The following ZFP64 variants were observed in gnomAD, a reference collection of about 807,000 sequenced individuals.
ZFP64 encodes zinc finger protein 64.
ZFP64 carries 14 observed loss-of-function variants against 51.6 expected under a neutral mutation model. That is an observed-to-expected ratio of 0.27 (90% CI 0.18 to 0.42). ZFP64 has a LOEUF of 0.42. Ranked by LOEUF, ZFP64 falls within the 10% of genes least tolerant of loss-of-function variation. The probability of loss-of-function intolerance (pLI) is 1.00; values close to 1 mark genes in which losing one functional copy is unlikely to be tolerated. For missense variants in ZFP64, 754 were observed against 906.8 expected, an observed-to-expected ratio of 0.83 and a Z score of 2.16; for synonymous variants, 375 against 361.4, an observed-to-expected ratio of 1.04 and a Z score of -0.43.
chr20:52,148,654 T>A (rs1980638649), downstream of ZFP64, among the ~76,000 whole-genome samples: 2 of 148,992 alleles, frequency 1.3e-5, no homozygotes, highest in Non-Finnish European at 2.9e-5. Flanking sequence ...TGAGCTGAGA[T>A]CGCGCCACGG....
chr20:52,175,137 T>G (rs887592401), intron 2 of ZFP64, among the ~76,000 whole-genome samples: 1 of 152,234 alleles, frequency 6.6e-6, no homozygotes, highest in Admixed American at 6.5e-5. Flanking sequence ...TTTGTTTTGT[T>G]TTTGAGACAG....
At chr20:52,095,343 C>A (rs573109824) in intron 7 of ZFP64, among the ~76,000 whole-genome samples, 2 of 152,196 alleles carry the variant, frequency 1.3e-5, no homozygotes, top group Non-Finnish European at 2.9e-5. Flanking sequence ...CTAATGAGAG[C>A]TGCACCCTTG....
Position 52,152,234 on chromosome 20 carries a change from T to C in ZFP64, c.1958A>G (p.Gln653Arg), listed in dbSNP as rs1980870951. ...GTAGGTCTGCTTGGGTAGTTCTTGC[T>C]GGGAAGAGGAGGAGAAGACCGGTGG... ...TAPPVFSSSS[Q>R]QELPKQTYSI... The change falls in exon 6 of 6, where the codon CAG becomes CGG. Residue 653 changes from glutamine to arginine, a missense_variant. This residue lies in a region of ZFP64 where 428 missense variants were observed against 472.4 expected (regional missense o/e 0.91). Coordinates refer to ENST00000216923, the MANE Select transcript of ZFP64 (RefSeq NM_018197.3). The C allele has an allele frequency of 1.9e-6, 3 of 1,614,032 alleles. No individual in the cohort carries two copies. Among genetic ancestry groups the C allele is most frequent in the African/African-American group, 2.7e-5 (2 of 74,910 alleles).
chr20:52,089,071 A>G (rs1410106538), intron 7 of ZFP64: 2 of 518,642 alleles, frequency 3.9e-6, no homozygotes, highest in Non-Finnish European at 7.7e-6. Context: ...AAGGGTGCTG[A>G]GGTCAGAAAA....
chr20:52,116,114 A>G (rs553412367), intron 5 of ZFP64, among the ~76,000 whole-genome samples: 4 of 148,870 alleles, frequency 2.7e-5, no homozygotes, highest in Admixed American at 2.7e-4. Context: ...GATTATAGGC[A>G]TGAGCCACAG....
At chr20:52,168,424 C>T (rs1327371006) in intron 2 of ZFP64, among the ~76,000 whole-genome samples, 1 of 152,176 alleles carries the variant, frequency 6.6e-6, no homozygotes, top group African/African-American at 2.4e-5. Flanking sequence ...GCATGGTCCC[C>T]AGACAGCAGC....
chr20:52,102,388 C>T lies in ZFP64; in HGVS notation c.764-3801G>A, dbSNP rs976261692. Among the ~76,000 whole-genome samples the T allele has an allele frequency of 3.3e-5, 5 of 152,008 alleles. No individual in the cohort carries two copies. The South Asian group carries it at 6.2e-4, about 19-fold the overall frequency. ...CTTCTAACAAGTTCCCAGTTGATGC[C>T]GATGCTGGTCTGGGAACCATACTTT... On this transcript the variant is annotated intron_variant, in intron 5 of 8. Coordinates refer to the ZFP64 transcript ENST00000361387.
intron 2 of ZFP64, among the ~76,000 whole-genome samples, chr20:52,175,427 A>G (rs1047465946): frequency 6.6e-6 from 1 of 152,146 alleles, no homozygotes; most frequent in Non-Finnish European, 1.5e-5. Flanking sequence ...CCAGCAGGAT[A>G]TTATCATATA....
intron 2 of ZFP64, among the ~76,000 whole-genome samples, chr20:52,185,454 G>C (rs1402844086): frequency 6.6e-6 from 1 of 150,932 alleles, no homozygotes; most frequent in Non-Finnish European, 1.5e-5. Flanking sequence ...CTGGTTATAA[G>C]AATTTATATC....
rs1568937195 is a variant in ZFP64 at position 52,084,595 on chromosome 20, G to GC, written c.1899dup (p.Gln634AlafsTer26). The GC allele has an allele frequency of 1.7e-5, 27 of 1,613,980 alleles. No individual in the cohort carries two copies. The highest frequency in any genetic ancestry group is 2.2e-5 in the Non-Finnish European group (26 of 1,180,022). On this transcript the variant is annotated frameshift_variant, in exon 9 of 9. Transcript: ENST00000361387. LOFTEE classifies it high-confidence loss of function. ...CTGGGCTCTAGGGGAGCCTCGAGCT[G>GC]CCCCACGGAGACCAGGGTGCTGAGC...
Position 52,152,902 on chromosome 20 carries a change from G to A in ZFP64, c.1290C>T (p.Cys430=), listed in dbSNP as rs777236119. ...DAKKSFHCDI[C]DASFMREDSL... ...AGTCCTCCCGCATGAAGGAGGCATC[G>A]CATATATCGCAGTGGAAACTCTTCT... Residue 430 remains cysteine, a synonymous_variant, in exon 6 of 6, where the codon TGC becomes TGT. Transcript: ENST00000216923. 3.1e-5 allele frequency: 50 copies of A among 1,613,786 alleles called. No homozygotes were observed. The highest frequency in any genetic ancestry group is 3.5e-5 in the Non-Finnish European group (41 of 1,180,034).
chr20:52,135,348 G>C (rs1006257639), intron 5 of ZFP64, among the ~76,000 whole-genome samples: 4 of 152,162 alleles, frequency 2.6e-5, no homozygotes, highest in Non-Finnish European at 5.9e-5. Context: ...TGAATAGTTG[G>C]AACAGAGAAG....
intron 2 of ZFP64, among the ~76,000 whole-genome samples, chr20:52,171,838 C>T (rs1316987161): frequency 6.6e-6 from 1 of 151,822 alleles, no homozygotes; most frequent in Non-Finnish European, 1.5e-5. Flanking sequence ...ATCTCTGCCT[C>T]CTGGGTTCAA....
rs1445180672 is a variant in ZFP64 at position 52,166,028 on chromosome 20, A to T, written c.287-3T>A. ...AAAAACAAATTCTGGAGCTGAAACT[A>T]AAAGATATGGTGATTATTAATTTTC... On this transcript the variant is annotated splice_polypyrimidine_tract_variant and splice_region_variant and intron_variant, in intron 2 of 5. Transcript: ENST00000216923. 1 of 1,606,248 alleles carries T rather than the reference A, an allele frequency of 6.2e-7. No homozygotes were observed. Among genetic ancestry groups the T allele is most frequent in the Non-Finnish European group, 8.5e-7 (1 of 1,177,988 alleles).
At chr20:52,189,333 T>G (rs909099330) in intron 1 of ZFP64, among the ~76,000 whole-genome samples, 1 of 149,654 alleles carries the variant, frequency 6.7e-6, no homozygotes, top group Non-Finnish European at 1.5e-5. Flanking sequence ...GACGTGGAGG[T>G]TGCAGTGAGC....
rs926185193 is a variant in ZFP64 at position 52,153,920 on chromosome 20, T to C, written c.764-492A>G. Among the ~76,000 whole-genome samples, 1 of 152,216 alleles carries C rather than the reference T, an allele frequency of 6.6e-6. No homozygotes were observed. Among genetic ancestry groups the C allele is most frequent in the African/African-American group, 2.4e-5 (1 of 41,458 alleles). ...TACAATGACTGAAACACCCAGCTTATATTTCATGCAGATCTTTATTAATAA... is the reference window on the plus strand; with the variant it reads ...TACAATGACTGAAACACCCAGCTTACATTTCATGCAGATCTTTATTAATAA... On this transcript the variant is annotated intron_variant, in intron 5 of 5. Coordinates refer to ENST00000216923, the MANE Select transcript of ZFP64 (RefSeq NM_018197.3). This position sits in a 1 kb window ranked among gnomAD's most constrained non-coding sequence, Gnocchi z 5.1.
intron 7 of ZFP64, among the ~76,000 whole-genome samples, chr20:52,089,561 C>T (rs550783895): frequency 5.9e-5 from 9 of 151,924 alleles, no homozygotes; most frequent in Non-Finnish European, 1.2e-4. Context: ...GGCAACATGG[C>T]AAAACCCTGT....
chr20:52,119,137 C>A (rs1029627652), intron 5 of ZFP64, among the ~76,000 whole-genome samples: 2 of 151,450 alleles, frequency 1.3e-5, no homozygotes, highest in Admixed American at 1.3e-4. Context: ...AGAGCAAGAC[C>A]CTGTCTCAAA....
intron 2 of ZFP64, among the ~76,000 whole-genome samples, chr20:52,176,773 T>C (rs1276551858): frequency 1.3e-5 from 2 of 151,610 alleles, no homozygotes; most frequent in East Asian, 3.9e-4. Context: ...CCTCCCAAAG[T>C]GCTGGGATTA....
Sources: allele counts gnomAD v4.1 joint callset (sites outside exome capture counted in the v4.1 genomes callset), GRCh38; gene constraint gnomAD v4.1.1; regional missense constraint gnomAD v4.1.1; non-coding constraint Gnocchi (gnomAD v3.1); transcripts MANE v1.5; gene names NCBI Gene and HGNC (gene_info 2026-07-23, HGNC 2026-07-21).